SLIT1: variants seen among roughly 807,000 people sequenced by gnomAD.
SLIT1 encodes the protein slit guidance ligand 1, also known as slit homolog 1 protein.
A neutral mutation model predicts 186.1 loss-of-function variants in SLIT1; 66 were observed. The observed-to-expected ratio is 0.35, with a 90% CI of 0.29 to 0.44. The LOEUF is 0.44. Among genes scored for constraint, SLIT1 ranks in the 20% least tolerant of loss-of-function variants. SLIT1 has a pLI of 1.00. For synonymous variants in SLIT1, 761 were observed against 833.8 expected (o/e 0.91, Z 1.50); for missense variants, 1,638 against 2,037.4 (o/e 0.80, Z 3.77).
intron 25 of SLIT1, among the ~76,000 whole-genome samples, chr10:97,026,436 C>A (rs994510113): frequency 7.9e-5 from 12 of 151,736 alleles, no homozygotes; most frequent in Non-Finnish European, 2.9e-5. Context: ...TGCACTCCAG[C>A]CTGGGCGATA....
chr10:97,098,722 A>C (rs1459311591), intron 4 of SLIT1, among the ~76,000 whole-genome samples: 1 of 152,314 alleles, frequency 6.6e-6, no homozygotes, highest in Middle Eastern at 3.4e-3. Context: ...CCTAGCACCA[A>C]GTAGGATGTC....
intron 4 of SLIT1, among the ~76,000 whole-genome samples, chr10:97,149,451 C>CT (rs1849852431): frequency 6.6e-6 from 1 of 152,168 alleles, no homozygotes; most frequent in South Asian, 2.1e-4. Context: ...TAGCATGGCT[C>CT]TCACATTGAA....
chr10:97,081,096 T>C (rs770448031), intron 4 of SLIT1, among the ~76,000 whole-genome samples: 50 of 152,164 alleles, frequency 3.3e-4, no homozygotes, highest in Non-Finnish European at 6.2e-4. Flanking sequence ...ATCCAGACTC[T>C]GAGGGGCAGA....
intron 22 of SLIT1, among the ~76,000 whole-genome samples, chr10:97,036,185 T>C (rs924880666): frequency 2.0e-5 from 3 of 152,188 alleles, no homozygotes; most frequent in Non-Finnish European, 4.4e-5. Context: ...TCCTCTAATC[T>C]AATTCTAAAT....
chr10:97,103,734 C>T (rs1849384548), intron 4 of SLIT1: 1 of 152,184 alleles, frequency 6.6e-6, no homozygotes, highest in South Asian at 2.1e-4. Flanking sequence ...AAAAACCTCA[C>T]ACAGCCCCTA....
chr10:97,063,391 C>A (rs532567966), intron 8 of SLIT1, 64 bp downstream of exon 8: 2 of 1,566,590 alleles, frequency 1.3e-6, no homozygotes, highest in South Asian at 1.1e-5. Flanking sequence ...AGATTAGGGG[C>A]GGGAACAAGA....
intron 5 of SLIT1, among the ~76,000 whole-genome samples, chr10:97,065,136 CTACACACACACA>C (rs1848932579): frequency 7.7e-6 from 1 of 129,906 alleles, no homozygotes; most frequent in South Asian, 2.5e-4. Context: ...AGGCACCCCC[CTACACACACACA>C]CACACACACA....
chr10:97,150,560 A>T (rs1849865798), intron 4 of SLIT1, among the ~76,000 whole-genome samples: 1 of 152,054 alleles, frequency 6.6e-6, no homozygotes, highest in South Asian at 2.1e-4. Context: ...AGGGGAAATA[A>T]ATGCCCTGGG....
intron 28 of SLIT1, 116 bp from the exon 29 acceptor site, chr10:97,014,274 C>T: frequency 8.2e-7 from 1 of 1,215,758 alleles, no homozygotes; most frequent in Middle Eastern, 2.0e-4. Flanking sequence ...CCGGCCAGGC[C>T]CTTGCCAGGT....
At chr10:97,032,888 G>C (rs546521564) in intron 23 of SLIT1, among the ~76,000 whole-genome samples, 1 of 152,160 alleles carries the variant, frequency 6.6e-6, no homozygotes, top group Non-Finnish European at 1.5e-5. Flanking sequence ...CATGCTGGGC[G>C]CAGAAGCCAA....
chr10:97,125,665 C>T (rs1271907286), intron 4 of SLIT1, among the ~76,000 whole-genome samples: 1 of 151,874 alleles, frequency 6.6e-6, no homozygotes, highest in Admixed American at 6.6e-5. Context: ...ATAGCGAAAC[C>T]CTGTCTCTAC....
rs754348602 is a variant in SLIT1 at position 97,047,979 on chromosome 10, T to C, written c.1483A>G (p.Ile495Val). ...FRCSAKEQYF[I>V]PGTEDYQLNS... ...GATCCCCCCACTCTCCTACCTGGAATGAAGTACTGCTCTTTGGCTGGGAAG... is the reference window on the plus strand; with the variant it reads ...GATCCCCCCACTCTCCTACCTGGAACGAAGTACTGCTCTTTGGCTGGGAAG... The change falls in exon 15 of 37, where the codon ATT (isoleucine) becomes GTT (valine). Residue 495 changes from isoleucine to valine, a missense_variant. Ile to Val is a conservative substitution (Grantham distance 29, BLOSUM62 3). This residue lies in a region of SLIT1 where 1,245 missense variants were observed against 1,535.3 expected (regional missense o/e 0.81). Transcript: ENST00000266058. 43 of 1,614,018 alleles carry C rather than the reference T, an allele frequency of 2.7e-5. No individual in the cohort carries two copies. The highest frequency in any genetic ancestry group is 3.5e-5 in the Non-Finnish European group (41 of 1,180,000).
chr10:97,047,024 C>T lies in SLIT1; in HGVS notation c.1676G>A (p.Gly559Glu). 1 of 1,612,760 alleles carries T rather than the reference C, an allele frequency of 6.2e-7. No homozygotes were observed. The highest frequency in any genetic ancestry group is 8.5e-7 in the Non-Finnish European group (1 of 1,178,746). Reference protein sequence around the residue: ...NNEISILEATGMFKKLTHLKK... With the variant: ...NNEISILEATEMFKKLTHLKK... Reference sequence around the variant, plus strand: ...CAGATGTGTAAGTTTTTTAAACATCCCAGTGGCCTCCAGGATGGAAATCTC... The same window carrying T: ...CAGATGTGTAAGTTTTTTAAACATCTCAGTGGCCTCCAGGATGGAAATCTC... The change falls in exon 17 of 37, where the codon GGG becomes GAG. Residue 559 changes from glycine (G) to glutamate (E), a missense_variant. Gly to Glu is a moderately conservative substitution (Grantham distance 98). Transcript: ENST00000266058.
At chr10:97,144,137 G>A (rs547454573) in intron 4 of SLIT1, among the ~76,000 whole-genome samples, 1 of 151,940 alleles carries the variant, frequency 6.6e-6, no homozygotes, top group East Asian at 1.9e-4. Flanking sequence ...GGTGGAGGTT[G>A]CAGTGAGCCG....
chr10:97,125,441 G>C (rs1369626573), intron 4 of SLIT1, among the ~76,000 whole-genome samples: 1 of 151,406 alleles, frequency 6.6e-6, no homozygotes, highest in East Asian at 1.9e-4. Context: ...GGCTGAGATG[G>C]GAGAATCGCT....
chr10:97,098,262 C>T (rs752666489), intron 4 of SLIT1, among the ~76,000 whole-genome samples: 3 of 152,188 alleles, frequency 2.0e-5, no homozygotes, highest in Admixed American at 6.5e-5. Context: ...CGCTATGGGC[C>T]GGACATGTGC....
chr10:97,051,728 C>T (rs1378579576), intron 13 of SLIT1, among the ~76,000 whole-genome samples: 1 of 150,360 alleles, frequency 6.7e-6, no homozygotes, highest in South Asian at 2.1e-4. Flanking sequence ...CAGAGAATTG[C>T]TTAAACCTCG....
rs549701909 is a variant in SLIT1, at chr10:97,124,778, C to T, written c.413+33040G>A. Among the ~76,000 whole-genome samples, 18 of 152,304 alleles carry T rather than the reference C, an allele frequency of 1.2e-4. No individual in the cohort carries two copies. The East Asian group carries it at 1.7e-3, about 15-fold the overall frequency. On this transcript the variant is annotated intron_variant, in intron 4 of 36. Coordinates refer to ENST00000266058, the MANE Select transcript of SLIT1 (RefSeq NM_003061.3). ...AGCAGCATGGACATTAGAAGAATCA[C>T]TAAACCAGGAGAGGGAAAATTAGGT...
At chr10:97,151,461 G>A (rs376670891) in intron 4 of SLIT1, among the ~76,000 whole-genome samples, 6 of 151,944 alleles carry the variant, frequency 3.9e-5, no homozygotes, top group African/African-American at 1.4e-4. Context: ...ATGGGGGATG[G>A]AGGGATGGGT....
Sources: gnomAD v4.1 joint callset for allele counts (sites outside exome capture counted in the v4.1 genomes callset) on GRCh38, gnomAD v4.1.1 for gene constraint, gnomAD v4.1.1 regional missense constraint, MANE v1.5 for transcripts, NCBI Gene and HGNC (gene_info 2026-07-23, HGNC 2026-07-21) for gene names.